PHF24: variants seen among roughly 807,000 people sequenced by gnomAD.
PHF24 encodes the protein PHD finger protein 24.
Under a neutral mutation model 42.6 loss-of-function variants are expected in PHF24, and 25 were observed. The observed-to-expected ratio is 0.59, with a 90% CI of 0.43 to 0.82. PHF24 has a LOEUF of 0.82. PHF24 is among the 40% of genes least tolerant of loss of function. The pLI is 0.00. For synonymous variants in PHF24, 185 were observed against 204.8 expected (o/e 0.90, Z 0.83); for missense variants, 470 against 538.1 (o/e 0.87, Z 1.25).
the PHF24 span, chr9:34,917,752 G>C: frequency 5.7e-6 from 5 of 875,268 alleles, no homozygotes; most frequent in Non-Finnish European, 9.9e-6. Context: ...GGATTGTGGG[G>C]ACTAATGCCA....
chr9:34,876,293 A>T, the PHF24 span, among the ~76,000 whole-genome samples: 1 of 152,228 alleles, frequency 6.6e-6, no homozygotes, highest in Non-Finnish European at 1.5e-5. Flanking sequence ...TGGTATATCC[A>T]TGCAATGGAA....
At chr9:34,931,685 A>G in the PHF24 span, among the ~76,000 whole-genome samples, 3 of 152,140 alleles carry the variant, frequency 2.0e-5, no homozygotes, top group Admixed American at 6.5e-5. Flanking sequence ...CACCATTACT[A>G]AAAGCTCCCT....
the PHF24 span, chr9:34,729,358 C>G: frequency 5.2e-6 from 8 of 1,551,776 alleles, no homozygotes; most frequent in Non-Finnish European, 5.2e-6. Flanking sequence ...ATTACAATAA[C>G]GATGAAGATG....
the PHF24 span, among the ~76,000 whole-genome samples, chr9:34,749,266 A>G: frequency 6.6e-6 from 1 of 152,194 alleles, no homozygotes. Context: ...GAAAGAGGCG[A>G]TAGAGAGATA....
chr9:34,779,052 A>G, the PHF24 span, among the ~76,000 whole-genome samples: 1 of 152,210 alleles, frequency 6.6e-6, no homozygotes, highest in Non-Finnish European at 1.5e-5. Flanking sequence ...ATTACAAAAT[A>G]CTTTGAGGTA....
the PHF24 span, among the ~76,000 whole-genome samples, chr9:34,718,755 G>A: frequency 1.3e-5 from 2 of 152,350 alleles, no homozygotes; most frequent in South Asian, 4.1e-4. Context: ...AGGTACAGAA[G>A]TGAAGCAGCC....
intron 2 of PHF24, 90 bp from the exon 3 acceptor site, chr9:34,972,256 G>GC: frequency 1.7e-6 from 2 of 1,174,890 alleles, no homozygotes; most frequent in South Asian, 1.6e-5. Context: ...GGAAGACTCA[G>GC]CCCCATGCAG....
At chr9:34,964,060 G>A (rs1169984891) in intron 1 of PHF24, among the ~76,000 whole-genome samples, 3 of 152,224 alleles carry the variant, frequency 2.0e-5, no homozygotes, top group African/African-American at 7.2e-5. Context: ...ATGCTCTGTG[G>A]AAGTCAGTAA....
At chr9:34,843,719 A>T in the PHF24 span, among the ~76,000 whole-genome samples, 2 of 151,876 alleles carry the variant, frequency 1.3e-5, no homozygotes, top group Admixed American at 6.6e-5. Context: ...TGCTTGGCTA[A>T]TTTTTTTTAT....
the PHF24 span, chr9:34,917,763 A>T: frequency 1.0e-6 from 1 of 958,986 alleles, no homozygotes; most frequent in Admixed American, 1.7e-5. Context: ...ACTAATGCCA[A>T]TCATGCCTCC....
the PHF24 span, among the ~76,000 whole-genome samples, chr9:34,795,337 GA>G: frequency 6.6e-6 from 1 of 151,816 alleles, no homozygotes; most frequent in Non-Finnish European, 1.5e-5. Flanking sequence ...TGCCAACCCA[GA>G]ATTCTATAAC....
chr9:34,797,390 A>G, the PHF24 span, among the ~76,000 whole-genome samples: 1 of 152,188 alleles, frequency 6.6e-6, no homozygotes, highest in Non-Finnish European at 1.5e-5. Context: ...GTGTACCAGA[A>G]GAATTGGATC....
At chr9:34,683,543 G>A in the PHF24 span, among the ~76,000 whole-genome samples, 5 of 152,190 alleles carry the variant, frequency 3.3e-5, no homozygotes, top group African/African-American at 1.2e-4. Context: ...GTGTCTGGGT[G>A]TAAACACTCC....
At chr9:34,714,752 G>A in the PHF24 span, among the ~76,000 whole-genome samples, 62 of 152,244 alleles carry the variant, frequency 4.1e-4, no homozygotes, top group South Asian at 1.0e-2. Context: ...TTCTCGCCTG[G>A]CACAGATTGT....
chr9:34,778,383 T>C, the PHF24 span, among the ~76,000 whole-genome samples: 5 of 152,338 alleles, frequency 3.3e-5, no homozygotes, highest in South Asian at 8.3e-4. Context: ...AAGGGAGATG[T>C]ATTATAGACA....
chr9:34,774,120 T>A, the PHF24 span, among the ~76,000 whole-genome samples: 2 of 152,248 alleles, frequency 1.3e-5, no homozygotes, highest in South Asian at 4.1e-4. Context: ...GAGACCTAAA[T>A]GTAGAGCTAA....
At chr9:34,839,999 G>C in the PHF24 span, among the ~76,000 whole-genome samples, 2 of 152,162 alleles carry the variant, frequency 1.3e-5, no homozygotes, top group Admixed American at 1.3e-4. Flanking sequence ...GAACCCCAAG[G>C]AATGTGCCAC....
the PHF24 span, chr9:34,728,019 C>A: frequency 1.3e-6 from 2 of 1,551,880 alleles, no homozygotes; most frequent in Non-Finnish European, 1.7e-6. Flanking sequence ...AGCAATAGAT[C>A]ACCTTTTAAT....
At chr9:34,815,075 G>A in the PHF24 span, among the ~76,000 whole-genome samples, 2 of 152,152 alleles carry the variant, frequency 1.3e-5, no homozygotes, top group African/African-American at 4.8e-5. Flanking sequence ...AGAAGCTAAA[G>A]CTGATTTTGT....
Sources: allele counts gnomAD v4.1 joint callset (sites outside exome capture counted in the v4.1 genomes callset), GRCh38; gene constraint gnomAD v4.1.1; transcripts MANE v1.5; gene names NCBI Gene and HGNC (gene_info 2026-07-23, HGNC 2026-07-21).